STXBP2: variants seen among roughly 807,000 people sequenced by gnomAD.
The protein encoded by STXBP2 is syntaxin binding protein 2.
STXBP2 carries 47 observed loss-of-function variants against 72.2 expected under a neutral mutation model. The observed-to-expected ratio is 0.65, with a 90% CI of 0.51 to 0.83. The LOEUF (loss-of-function observed/expected upper bound fraction) is 0.83, where lower values mean the gene tolerates loss of function less well. Ranked by LOEUF, STXBP2 falls within the 40% of genes least tolerant of loss-of-function variation. The pLI is 0.00. For missense variants in STXBP2, 702 were observed against 807.6 expected (o/e 0.87, Z 1.58); for synonymous variants, 367 against 338.7 (o/e 1.08, Z -0.92).
At position 7,647,864 on chromosome 19, in the gene STXBP2, C is replaced by A; in HGVS notation, c.*54C>A. ...TTCCAGAGAAATAAACTCTTCCCGT[C>A]GCTCTGCCAGCCAGTGCCTACCTCA... is the stretch of plus-strand genomic sequence containing the variant. On this transcript the variant is annotated 3_prime_UTR_variant, in exon 19 of 19. Coordinates refer to ENST00000221283, the MANE Select transcript of STXBP2 (RefSeq NM_006949.4). 6.6e-7 allele frequency: 1 copy of A among 1,508,046 alleles called. No individual in the cohort carries two copies. Among genetic ancestry groups the A allele is most frequent in the Non-Finnish European group, 9.2e-7 (1 of 1,090,444 alleles). 93.4% of individuals were successfully genotyped at this position (1,508,046 alleles called of 1,614,324 possible). A position where few individuals can be genotyped will look rare whatever the true frequency, so the allele number is the denominator to read the frequency against.
rs545772575 is a variant in STXBP2 at position 7,640,081 on chromosome 19, T to G, written c.246+274T>G. 4.8e-6 allele frequency: 3 copies of G among 619,072 alleles called. No individual in the cohort carries two copies. In the African/African-American group the frequency reaches 5.5e-5, roughly 11 times the overall value. The allele number at this position is 619,072 out of a possible 1,614,324, so 38.3% of individuals were successfully genotyped here. ...GTATGTGTGTATGCGTGTGTGTCTG[T>G]GGGTCTGTGTGTGCATTTGTGTCTG... On this transcript the variant is annotated intron_variant, in intron 4 of 18. Coordinates refer to ENST00000221283, the MANE Select transcript of STXBP2 (RefSeq NM_006949.4).
chr19:7,639,632 A>C (rs1599390195), intron 3 of STXBP2, 99 bp from the exon 4 acceptor site: 1 of 1,104,372 alleles, frequency 9.1e-7, no homozygotes, highest in Non-Finnish European at 1.3e-6. Context: ...CTAAGCATCC[A>C]CCCCTCCTCC....
the STXBP2 span, chr19:7,631,044 A>G: frequency 3.9e-6 from 3 of 775,236 alleles, no homozygotes; most frequent in Admixed American, 2.8e-5. Flanking sequence ...CCCCATGTCT[A>G]CAGAAATACA....
intron 4 of STXBP2, 111 bp from the exon 5 acceptor site, chr19:7,640,620 C>G: frequency 7.2e-7 from 1 of 1,391,630 alleles, no homozygotes. Context: ...TACATGTCCC[C>G]GTCCGTCCAT....
intron 4 of STXBP2, chr19:7,640,407 T>C: frequency 1.7e-6 from 1 of 575,806 alleles, no homozygotes; most frequent in Non-Finnish European, 3.1e-6. Context: ...TGTATATGTG[T>C]GTATGTATGT....
In STXBP2 at chr19:7,637,239, G is replaced by C; in HGVS notation, c.37+53G>C. Reference sequence around the variant, plus strand: ...GGCGTCCGGTGTGGGACGGGGGTCGGGGACGCACGGGCTCTGGGATCCTGG... The same window carrying C: ...GGCGTCCGGTGTGGGACGGGGGTCGCGGACGCACGGGCTCTGGGATCCTGG... On this transcript the variant is annotated intron_variant, in intron 1 of 18. Transcript: ENST00000221283. 2.4e-6 allele frequency: 3 copies of C among 1,233,692 alleles called. No individual in the cohort carries two copies. In the East Asian group the frequency reaches 9.5e-5, roughly 39 times the overall value. The allele number at this position is 1,233,692 out of a possible 1,614,324, so 76.4% of individuals were successfully genotyped here.
At chr19:7,639,238 A>T (rs998371862) in intron 3 of STXBP2, 138 bp downstream of exon 3, 15 of 925,870 alleles carry the variant, frequency 1.6e-5, no homozygotes, top group Admixed American at 1.2e-4. Flanking sequence ...CCCTGCACGG[A>T]CAGCCCGGAT....
chr19:7,640,583 T>C (rs1451139351), intron 4 of STXBP2, 148 bp from the exon 5 acceptor site: 1 of 966,272 alleles, frequency 1.0e-6, no homozygotes, highest in Admixed American at 2.0e-5. Context: ...CCCATGTGGG[T>C]GCGACACTAG....
chr19:7,633,879 G>A (rs145592860), upstream of STXBP2: 970 of 179,376 alleles, frequency 5.4e-3, 5 homozygotes, highest in Middle Eastern at 9.8e-3. Context: ...TCCTGAAAGG[G>A]CAGCTGCCAC....
At chr19:7,631,585 C>T in the STXBP2 span, 1 of 1,520,830 alleles carries the variant, frequency 6.6e-7, no homozygotes, top group Non-Finnish European at 8.8e-7. Flanking sequence ...CTAGCCCCTC[C>T]CCTGATGAAA....
upstream of STXBP2, chr19:7,631,890 A>G (rs1182307874): frequency 7.7e-7 from 1 of 1,305,356 alleles, no homozygotes; most frequent in African/African-American, 1.5e-5. Flanking sequence ...GAGAGGGTGC[A>G]GGTAGCCACC....
In STXBP2 at chr19:7,641,731, C is replaced by T. The variant is rs1450230694; in HGVS notation, c.456C>T (p.Ser152=). 1.9e-6 allele frequency: 3 copies of T among 1,553,922 alleles called. No homozygotes were observed. Among genetic ancestry groups the T allele is most frequent in the South Asian group, 2.4e-5 (2 of 84,210 alleles). ...AQVFSLDAPH[S]TYNLYCPFRA... is the part of the protein sequence containing the mutation. The stretch of plus-strand genomic sequence containing the variant: ...TGTTCTCCCTCGATGCTCCCCACAG[C>T]ACCTACAACCTCTACTGCCCCTTCC... The change falls in exon 7 of 19, where the codon AGC becomes AGT. Residue 152 remains serine, a synonymous_variant. Transcript: ENST00000221283.
upstream of STXBP2, chr19:7,632,954 A>G (rs908695016): frequency 5.4e-6 from 8 of 1,475,278 alleles, no homozygotes; most frequent in East Asian, 7.4e-5. The surrounding 1 kb of genome is among the most constrained non-coding windows in gnomAD (Gnocchi z 5.2). Flanking sequence ...AGCTCTCACC[A>G]TGGTCCCCGC....
At chr19:7,639,439 C>T (rs2031698607) in intron 3 of STXBP2, 1 of 573,712 alleles carries the variant, frequency 1.7e-6, no homozygotes, top group Non-Finnish European at 3.1e-6. Flanking sequence ...CTATGGGTGA[C>T]CCCAGGTGGT....
Position 7,643,156 on chromosome 19 carries a change from A to G in STXBP2, c.1027-9A>G. ...TGTTATCCCCCAACCCCCACCCTGC[A>G]CCCTGCAGTATTCTACGCACCTGCA... On this transcript the variant is annotated splice_polypyrimidine_tract_variant and intron_variant, in intron 12 of 18. Transcript: ENST00000221283. 1 of 1,613,802 alleles carries G rather than the reference A, an allele frequency of 6.2e-7. No individual in the cohort carries two copies. The highest frequency in any genetic ancestry group is 8.5e-7 in the Non-Finnish European group (1 of 1,179,908).
intron 4 of STXBP2, 39 bp from the exon 5 acceptor site, chr19:7,640,692 G>T (rs1353932165): frequency 1.2e-6 from 2 of 1,613,490 alleles, no homozygotes. Context: ...GAGCCTAGGT[G>T]TGCAGGCTCA....
At chr19:7,645,489 C>T (rs750972214) in intron 15 of STXBP2, 183 bp downstream of exon 15, 5 of 602,302 alleles carry the variant, frequency 8.3e-6, no homozygotes, top group Admixed American at 2.9e-5. Flanking sequence ...GGGCCTCTCC[C>T]AGTCCCAGCT....
chr19:7,631,548 A>G, the STXBP2 span: 1 of 1,536,110 alleles, frequency 6.5e-7, no homozygotes, highest in Non-Finnish European at 8.7e-7. Context: ...CGCCCAGCAG[A>G]ACTCCTGAGG....
chr19:7,646,987 T>G (rs1045171174), intron 16 of STXBP2, 175 bp from the exon 17 acceptor site: 2 of 631,250 alleles, frequency 3.2e-6, no homozygotes, highest in East Asian at 5.5e-5. Flanking sequence ...TGGATCTAGA[T>G]TTCTAGGTCC....
Sources: gnomAD v4.1 joint callset for allele counts on GRCh38, gnomAD v4.1.1 for gene constraint, Gnocchi (gnomAD v3.1) non-coding constraint, MANE v1.5 for transcripts, NCBI Gene and HGNC (gene_info 2026-07-23, HGNC 2026-07-21) for gene names.